The following SLC7A1 variants were observed in gnomAD, a reference collection of about 807,000 sequenced individuals.
SLC7A1 encodes solute carrier family 7 member 1.
SLC7A1 carries 10 observed loss-of-function variants against 53.9 expected under a neutral mutation model. The observed-to-expected ratio is 0.19, with a 90% CI of 0.11 to 0.31. The LOEUF (loss-of-function observed/expected upper bound fraction) is 0.31. Among genes scored for constraint, SLC7A1 ranks in the 10% least tolerant of loss-of-function variants. The probability of loss-of-function intolerance (pLI) is 1.00; values close to 1 mark genes in which losing one functional copy is unlikely to be tolerated. For missense variants in SLC7A1, 525 were observed against 827.2 expected, an observed-to-expected ratio of 0.63 and a Z score of 4.48; for synonymous variants, 342 against 338.7, an observed-to-expected ratio of 1.01 and a Z score of -0.11.
chr13:29,566,317 G>T (rs913194210), intron 1 of SLC7A1, among the ~76,000 whole-genome samples: 1 of 152,176 alleles, frequency 6.6e-6, no homozygotes, highest in Non-Finnish European at 1.5e-5. Context: ...ACATGAAAAT[G>T]TACACCAATG....
At chr13:29,567,838 C>CTT (rs112376344) in intron 1 of SLC7A1, among the ~76,000 whole-genome samples, 5 of 149,186 alleles carry the variant, frequency 3.4e-5, no homozygotes, top group African/African-American at 7.3e-5. Context: ...GTCTTGGCCT[C>CTT]TTTTTTTTTT....
In SLC7A1 at chr13:29,555,155, G is replaced by A. The variant is rs977386154; in HGVS notation, c.-114-1295C>T. On this transcript the variant is annotated intron_variant, in intron 1 of 12. Transcript: ENST00000380752. ...GGGCGGATCACGAGGTCAGGAGATCGAGACCATCCCGGCTAAAATGGTGAA... is the reference window on the plus strand; with the variant it reads ...GGGCGGATCACGAGGTCAGGAGATCAAGACCATCCCGGCTAAAATGGTGAA... Among the ~76,000 whole-genome samples the A allele has an allele frequency of 7.3e-5, 11 of 150,684 alleles. No homozygotes were observed. In the East Asian group the frequency reaches 1.6e-3, roughly 21 times the overall value.
At position 29,517,809 on chromosome 13, in the gene SLC7A1, C is replaced by T. The variant is rs17602454; in HGVS notation, c.1293-19G>A. 32,840 of 1,595,104 alleles carry T rather than the reference C, an allele frequency of 0.021. 409 individuals carry two copies. Among genetic ancestry groups the T allele is most frequent in the South Asian group, 0.027 (2,413 of 90,698 alleles). On this transcript the variant is annotated intron_variant, in intron 9 of 12. Coordinates refer to ENST00000380752, the MANE Select transcript of SLC7A1 (RefSeq NM_003045.5). ...CTGGTACCTGGGAAGAAAGGCATTG[C>T]GTGACCGCCACATCTGCTTCAAGCA...
rs1361648370 is a variant in SLC7A1, at chr13:29,514,216, TTCAGAGAAGTGAG to T, written c.*251_*263del. ...AGCTGGTAGGGGAGGAACTGCTTTG[TTCAGAGAAGTGAG>T]GAGACACAGTGGCCAGCCGCAGCCT... On this transcript the variant is annotated 3_prime_UTR_variant, in exon 13 of 13. Coordinates refer to ENST00000380752, the MANE Select transcript of SLC7A1 (RefSeq NM_003045.5). 1.9e-5 allele frequency: 10 copies of T among 519,310 alleles called. No individual in the cohort carries two copies. The highest frequency in any genetic ancestry group is 3.5e-5 in the Non-Finnish European group (10 of 287,034). The allele number at this position is 519,310 out of a possible 1,614,324, so 32.2% of individuals were successfully genotyped here. A position where few individuals can be genotyped will look rare whatever the true frequency, so the allele number is the denominator to read the frequency against.
rs549276962 is a variant in SLC7A1 at position 29,514,758 on chromosome 13, A to C, written c.1787-175T>G. On this transcript the variant is annotated intron_variant, in intron 12 of 12. Transcript: ENST00000380752. ...TTTCCACATCTGGAGCAGCTGCCACACGAAGGCCACTGTCTGCTTCGACAT... is the reference window on the plus strand; with the variant it reads ...TTTCCACATCTGGAGCAGCTGCCACCCGAAGGCCACTGTCTGCTTCGACAT... Among the ~76,000 whole-genome samples, 23 of 152,300 alleles carry C rather than the reference A, an allele frequency of 1.5e-4. No individual in the cohort carries two copies. The South Asian group carries it at 4.8e-3, about 32-fold the overall frequency.
chr13:29,572,157 C>T (rs967640568), intron 1 of SLC7A1, among the ~76,000 whole-genome samples: 1 of 152,186 alleles, frequency 6.6e-6, no homozygotes, highest in Non-Finnish European at 1.5e-5. Context: ...GTGCAGCGGC[C>T]GCCTGTGGGT....
chr13:29,549,120 G>C (rs1434257957), intron 2 of SLC7A1, among the ~76,000 whole-genome samples: 2 of 152,222 alleles, frequency 1.3e-5, no homozygotes, highest in Non-Finnish European at 2.9e-5. Flanking sequence ...TCTTTACGTG[G>C]AGCGGACGTG....
chr13:29,580,099 T>C (rs1871577731), intron 1 of SLC7A1, among the ~76,000 whole-genome samples: 1 of 152,182 alleles, frequency 6.6e-6, no homozygotes, highest in East Asian at 1.9e-4. Flanking sequence ...AGCATCTTAG[T>C]GCAAGCTCTT....
chr13:29,567,186 CAG>C (rs1388617922), intron 1 of SLC7A1, among the ~76,000 whole-genome samples: 4 of 152,132 alleles, frequency 2.6e-5, no homozygotes, highest in African/African-American at 9.7e-5. Flanking sequence ...TTCATGGTGA[CAG>C]GGCGCAGAAT....
chr13:29,557,240 G>A (rs748649068), intron 1 of SLC7A1, among the ~76,000 whole-genome samples: 5 of 152,204 alleles, frequency 3.3e-5, no homozygotes, highest in Non-Finnish European at 5.9e-5. Flanking sequence ...TGGGCTTCCA[G>A]GGGTACGTGG....
Position 29,535,931 on chromosome 13 carries a change from C to T in SLC7A1, c.258G>A (p.Glu86=), listed in dbSNP as rs1017305876. ...ASVLAGLCYG[E]FGARVPKTGS... ...CCGTCTTGGGGACCCGAGCACCAAA[C>T]TCGCCATAGCACAGGCCAGCCAGCA... The change falls in exon 3 of 13, where the codon GAG becomes GAA. Residue 86 remains glutamate (E), a synonymous_variant. Coordinates refer to ENST00000380752, the MANE Select transcript of SLC7A1 (RefSeq NM_003045.5). The T allele has an allele frequency of 2.4e-5, 38 of 1,614,058 alleles. No individual in the cohort carries two copies. Among genetic ancestry groups the T allele is most frequent in the Non-Finnish European group, 3.0e-5 (35 of 1,180,056 alleles).
chr13:29,549,595 T>C (rs1870083952), intron 2 of SLC7A1, among the ~76,000 whole-genome samples: 1 of 152,226 alleles, frequency 6.6e-6, no homozygotes, highest in African/African-American at 2.4e-5. Flanking sequence ...CTTTTTTGGT[T>C]ATGGCTTTGT....
chr13:29,564,467 G>A (rs1044322216), intron 1 of SLC7A1, among the ~76,000 whole-genome samples: 2 of 152,126 alleles, frequency 1.3e-5, no homozygotes, highest in Admixed American at 6.5e-5. Flanking sequence ...GCGGAATCTC[G>A]GCTCAAACCT....
At chr13:29,522,219 A>T in intron 8 of SLC7A1, 98 bp downstream of exon 8, 1 of 1,212,440 alleles carries the variant, frequency 8.2e-7, no homozygotes, top group Non-Finnish European at 1.2e-6. Context: ...AAGACCAGTT[A>T]AGATTACTCA....
At chr13:29,520,443 G>T (rs1868587498) in intron 8 of SLC7A1, among the ~76,000 whole-genome samples, 1 of 152,200 alleles carries the variant, frequency 6.6e-6, no homozygotes. Context: ...CACTTCACGT[G>T]GAAGAAATCT....
intron 6 of SLC7A1, 101 bp downstream of exon 6, chr13:29,524,031 A>G (rs188614435): frequency 1.7e-6 from 2 of 1,164,112 alleles, no homozygotes; most frequent in East Asian, 2.4e-5. Context: ...TGTGTGAAAG[A>G]GCGGCGACTG....
In SLC7A1 at chr13:29,530,791, A is replaced by G; in HGVS notation, c.530-79T>C. 18 of 1,206,076 alleles carry G rather than the reference A, an allele frequency of 1.5e-5. 1 individual carries two copies. The South Asian group carries it at 2.4e-4, about 16-fold the overall frequency. 74.7% of individuals were successfully genotyped at this position (1,206,076 alleles called of 1,614,324 possible). The stretch of plus-strand genomic sequence containing the variant: ...AAGGTCCTTCCTGGATGGGGATAAG[A>G]AGGCGACTGAAAAAGAATCCAAGTG... On this transcript the variant is annotated intron_variant, in intron 4 of 12. Transcript: ENST00000380752.
chr13:29,522,053 C>T (rs549505810), intron 8 of SLC7A1, among the ~76,000 whole-genome samples: 3 of 152,310 alleles, frequency 2.0e-5, no homozygotes, highest in East Asian at 3.9e-4. Flanking sequence ...TTTTCGAATA[C>T]TGTGTGTTCT....
Position 29,581,824 on chromosome 13 carries a change from G to A in SLC7A1, c.-115+13592C>T, listed in dbSNP as rs538202522. 4.8e-4 allele frequency among the ~76,000 whole-genome samples: 73 copies of A among 152,202 alleles called. No homozygotes were observed. In the Middle Eastern group the frequency reaches 0.01, roughly 21 times the overall value. On this transcript the variant is annotated intron_variant, in intron 1 of 12. Coordinates refer to ENST00000380752, the MANE Select transcript of SLC7A1 (RefSeq NM_003045.5). The stretch of plus-strand genomic sequence containing the variant: ...ACGAACAAGTAGCAACCTCTCCTTC[G>A]CCCATTTCACCACCCCCAGCCTTCT...
Sources: allele counts gnomAD v4.1 joint callset (sites outside exome capture counted in the v4.1 genomes callset), GRCh38; gene constraint gnomAD v4.1.1; transcripts MANE v1.5; gene names NCBI Gene and HGNC (gene_info 2026-07-23, HGNC 2026-07-21).